ARMC10: variants seen among roughly 807,000 people sequenced by gnomAD.
The protein encoded by ARMC10 is armadillo repeat-containing protein 10.
A neutral mutation model predicts 30.2 loss-of-function variants in ARMC10; 23 were observed. That is an observed-to-expected ratio of 0.76 (90% CI 0.55 to 1.08). The LOEUF is 1.08. Ranked by LOEUF, ARMC10 falls within the 50% of genes least tolerant of loss-of-function variation. The pLI is 0.00. For missense variants in ARMC10, 303 were observed against 413.7 expected (o/e 0.73, Z 2.32); for synonymous variants, 111 against 164.4 (o/e 0.68, Z 2.48).
At chr7:103,081,046 A>C (rs551430744) in intron 2 of ARMC10, among the ~76,000 whole-genome samples, 30 of 152,336 alleles carry the variant, frequency 2.0e-4, no homozygotes, top group African/African-American at 6.7e-4. Context: ...GTGTCCCATT[A>C]ATGAAAATAA....
intron 3 of ARMC10, among the ~76,000 whole-genome samples, chr7:103,084,944 A>G (rs1359853359): frequency 6.6e-6 from 1 of 152,234 alleles, no homozygotes; most frequent in Admixed American, 6.5e-5. Flanking sequence ...TCACATGAGC[A>G]TCCTGCAGCT....
chr7:103,075,294 G>C lies in ARMC10; in HGVS notation c.22G>C (p.Gly8Arg). 1.6e-6 allele frequency: 2 copies of C among 1,226,850 alleles called. No individual in the cohort carries two copies. The highest frequency in any genetic ancestry group is 2.0e-6 in the Non-Finnish European group (2 of 984,196). The allele number at this position is 1,226,850 out of a possible 1,614,324, so 76.0% of individuals were successfully genotyped here. The change falls in exon 1 of 7, where the codon GGC (glycine) becomes CGC (arginine). Residue 8 changes from glycine (G) to arginine (R), a missense_variant. Around this residue, in one of 4 missense-constraint regions of ARMC10, gnomAD observed 11 missense variants for 27.6 expected, o/e 0.40. Transcript: ENST00000323716. MGGPRGA[G>R]WVAAGLLLGA... is the part of the protein sequence containing the mutation. ...CAGCATGGGTGGCCCCCGGGGCGCG[G>C]GCTGGGTGGCGGCGGGCCTGCTGCT...
rs777916108 is a variant in ARMC10, at chr7:103,086,733, G to A, written c.497G>A (p.Ser166Asn). ...EKALNALNNL[S>N]VNVENQIKIK... Reference sequence around the variant, plus strand: ...GCTTTAAATGCACTAAATAACCTGAGTGTGAATGTTGAAAATCAAATCAAG... The same window carrying A: ...GCTTTAAATGCACTAAATAACCTGAATGTGAATGTTGAAAATCAAATCAAG... Residue 166 changes from serine to asparagine, a missense_variant, in exon 4 of 7, where the codon AGT becomes AAT. By Grantham distance (46) the Ser-to-Asn change is conservative (BLOSUM62 1). Transcript: ENST00000323716. 1.3e-6 allele frequency: 2 copies of A among 1,593,216 alleles called. No homozygotes were observed. Among genetic ancestry groups the A allele is most frequent in the East Asian group, 4.5e-5 (2 of 44,638 alleles).
At chr7:103,095,520 A>T (rs570149658) in intron 5 of ARMC10, among the ~76,000 whole-genome samples, 4 of 150,220 alleles carry the variant, frequency 2.7e-5, no homozygotes, top group Non-Finnish European at 5.9e-5. Flanking sequence ...GTAATAAAAA[A>T]TTTTTCTAAA....
chr7:103,087,821 G>A (rs1800989312), intron 4 of ARMC10: 3 of 980,956 alleles, frequency 3.1e-6, no homozygotes, highest in Admixed American at 1.2e-4. Flanking sequence ...GTGATGAGAG[G>A]CAAGTACTAT....
Position 103,083,848 on chromosome 7 carries a change from G to A in ARMC10, c.393+18G>A. On this transcript the variant is annotated intron_variant, in intron 3 of 6. Transcript: ENST00000323716. ...TTAACCAAGTAAGTACCTCAACTCA[G>A]CAAGCAAGCTCTTTCCATTCTTACA... 1 of 1,611,010 alleles carries A rather than the reference G, an allele frequency of 6.2e-7. No homozygotes were observed. The highest frequency in any genetic ancestry group is 8.5e-7 in the Non-Finnish European group (1 of 1,178,700).
Position 103,092,733 on chromosome 7 carries a change from A to C in ARMC10, c.705+80A>C, listed in dbSNP as rs1361126308. 23 of 1,055,710 alleles carry C rather than the reference A, an allele frequency of 2.2e-5. No individual in the cohort carries two copies. The South Asian group carries it at 5.6e-4, about 26-fold the overall frequency. 65.4% of individuals were successfully genotyped at this position (1,055,710 alleles called of 1,614,324 possible). ...ACCTATCTTAAGTTGATGTGCCTCA[A>C]AGAGGAAGATTTATTAAAAACTCAC... On this transcript the variant is annotated intron_variant, in intron 5 of 6. Transcript: ENST00000323716.
intron 2 of ARMC10, among the ~76,000 whole-genome samples, chr7:103,080,869 G>A (rs914638054): frequency 1.6e-4 from 25 of 152,054 alleles, no homozygotes; most frequent in African/African-American, 4.8e-4. Context: ...CTCGTGATCC[G>A]CCCATCTCAG....
Position 103,075,546 on chromosome 7 carries a change from A to G in ARMC10, c.139+135A>G, listed in dbSNP as rs902022616. ...GGAGAGGCAGTACTTGTGTGAGTGC[A>G]GGGTGCTGCGCCGCCCCCGCCGCCC... On this transcript the variant is annotated intron_variant, in intron 1 of 6. Coordinates refer to ENST00000323716, the MANE Select transcript of ARMC10 (RefSeq NM_031905.5). The G allele has an allele frequency of 9.3e-6, 10 of 1,069,774 alleles. No individual in the cohort carries two copies. In the Middle Eastern group the frequency reaches 8.9e-4, roughly 95 times the overall value. 66.3% of individuals were successfully genotyped at this position (1,069,774 alleles called of 1,614,324 possible).
At chr7:103,083,942 A>G (rs765103761) in intron 3 of ARMC10, 112 bp downstream of exon 3, 56 of 1,484,706 alleles carry the variant, frequency 3.8e-5, no homozygotes, top group Non-Finnish European at 5.0e-5. Flanking sequence ...TCATCTGTGC[A>G]ATGTGGCTAC....
intron 2 of ARMC10, chr7:103,082,046 CA>C (rs2129521004): frequency 5.4e-6 from 2 of 367,918 alleles, no homozygotes; most frequent in African/African-American, 4.2e-5. Flanking sequence ...GGATGAACCC[CA>C]AATTCTTTCC....
chr7:103,078,550 T>G (rs994546718), intron 2 of ARMC10, among the ~76,000 whole-genome samples: 2 of 152,232 alleles, frequency 1.3e-5, no homozygotes, highest in Non-Finnish European at 2.9e-5. Flanking sequence ...CAATTAAACC[T>G]CTTTCCTTTA....
At chr7:103,094,125 TAA>T (rs1167775475) in intron 5 of ARMC10, among the ~76,000 whole-genome samples, 2 of 152,208 alleles carry the variant, frequency 1.3e-5, no homozygotes, top group Non-Finnish European at 2.9e-5. Context: ...TCTTAGTAAA[TAA>T]CCACTAAAAT....
At chr7:103,088,711 T>G (rs190822529) in intron 4 of ARMC10, 18 of 198,508 alleles carry the variant, frequency 9.1e-5, no homozygotes, top group South Asian at 6.8e-4. Context: ...CCGTGAGAGA[T>G]ATTTTCATGA....
chr7:103,084,716 A>G (rs1185747429), intron 3 of ARMC10, among the ~76,000 whole-genome samples: 1 of 152,186 alleles, frequency 6.6e-6, no homozygotes, highest in East Asian at 1.9e-4. Flanking sequence ...ATGGCCGCTC[A>G]ATTTTATGTA....
intron 4 of ARMC10, chr7:103,088,650 GA>G: frequency 5.1e-6 from 1 of 196,998 alleles, no homozygotes; most frequent in Non-Finnish European, 1.2e-5. Context: ...TGAAATCCAT[GA>G]AAGAATTAAT....
Position 103,097,366 on chromosome 7 carries a change from T to A in ARMC10, c.777+18T>A. On this transcript the variant is annotated intron_variant, in intron 6 of 6. Coordinates refer to ENST00000323716, the MANE Select transcript of ARMC10 (RefSeq NM_031905.5). ...GTGCCCAAGTAAATAGCTTATATAT[T>A]TATTTTGTAAATATACACATATATA... The A allele has an allele frequency of 6.4e-7, 1 of 1,558,026 alleles. No homozygotes were observed. The highest frequency in any genetic ancestry group is 8.8e-7 in the Non-Finnish European group (1 of 1,131,694).
In ARMC10 at chr7:103,086,716, T is replaced by G. The variant is rs755527087; in HGVS notation, c.480T>G (p.Asn160Lys). ...AGAGTATTAAAGAGAAAGCTTTAAA[T>G]GCACTAAATAACCTGAGTGTGAATG... ...SNQSIKEKAL[N>K]ALNNLSVNVE... Residue 160 changes from asparagine to lysine, a missense_variant, in exon 4 of 7, where the codon AAT becomes AAG. Around this residue, in one of 4 missense-constraint regions of ARMC10, gnomAD observed 170 missense variants for 207.2 expected, o/e 0.82. Coordinates refer to ENST00000323716, the MANE Select transcript of ARMC10 (RefSeq NM_031905.5). 3 of 1,596,354 alleles carry G rather than the reference T, an allele frequency of 1.9e-6. No homozygotes were observed. Among genetic ancestry groups the G allele is most frequent in the African/African-American group, 2.7e-5 (2 of 73,486 alleles).
chr7:103,096,716 C>T (rs912260973), intron 5 of ARMC10: 1 of 153,560 alleles, frequency 6.5e-6, no homozygotes, highest in East Asian at 1.9e-4. Flanking sequence ...AGAGATCCTC[C>T]CCCGCTCAGC....
Sources: gnomAD v4.1 joint callset for allele counts (sites outside exome capture counted in the v4.1 genomes callset) on GRCh38, gnomAD v4.1.1 for gene constraint, gnomAD v4.1.1 regional missense constraint, MANE v1.5 for transcripts, NCBI Gene and HGNC (gene_info 2026-07-23, HGNC 2026-07-21) for gene names.